USP13: variants seen among roughly 807,000 people sequenced by gnomAD.
USP13 encodes the protein ubiquitin specific peptidase 13, also known as ubiquitin carboxyl-terminal hydrolase 13.
In USP13, 68 loss-of-function variants were observed where a neutral mutation model predicts 107.8. That is an observed-to-expected ratio of 0.63 (90% CI 0.52 to 0.77). The LOEUF is 0.77. Ranked by LOEUF, USP13 falls within the 30% of genes least tolerant of loss-of-function variation. USP13 has a pLI of 0.00. For missense variants in USP13, 945 were observed against 1,093.3 expected, an observed-to-expected ratio of 0.86 and a Z score of 1.91; for synonymous variants, 377 against 389.5, an observed-to-expected ratio of 0.97 and a Z score of 0.38.
intron 19 of USP13, among the ~76,000 whole-genome samples, chr3:179,779,657 C>T (rs755085010): frequency 1.6e-4 from 24 of 147,526 alleles, no homozygotes; most frequent in Non-Finnish European, 3.0e-4. Context: ...GGGTTTTGTA[C>T]GTAGCAGAGC....
In USP13 at chr3:179,721,162, A is replaced by C. The variant is rs1713301952; in HGVS notation, c.901-240A>C. Among the ~76,000 whole-genome samples, 1 of 152,110 alleles carries C rather than the reference A, an allele frequency of 6.6e-6. No individual in the cohort carries two copies. The highest frequency in any genetic ancestry group is 1.5e-5 in the Non-Finnish European group (1 of 68,014). ...TTAAAAATTGTGGTACAATATATAT[A>C]ATATAAAAGCTACCATTTTAACTGT... On this transcript the variant is annotated intron_variant, in intron 7 of 20. Coordinates refer to ENST00000263966, the MANE Select transcript of USP13 (RefSeq NM_003940.3). This position sits in a 1 kb window ranked among gnomAD's most constrained non-coding sequence, Gnocchi z 4.3.
intron 8 of USP13, among the ~76,000 whole-genome samples, chr3:179,729,660 TG>T (rs1385264761): frequency 6.6e-6 from 1 of 151,902 alleles, no homozygotes; most frequent in Admixed American, 6.6e-5. Context: ...TTAGTAGAGA[TG>T]GGGTTTTGCT....
At chr3:179,679,856 G>T (rs1034496425) in intron 1 of USP13, among the ~76,000 whole-genome samples, 34 of 129,992 alleles carry the variant, frequency 2.6e-4, no homozygotes, top group Non-Finnish European at 4.5e-4. Context: ...TAAGCAACTT[G>T]CAGTGGTTAG....
chr3:179,692,814 G>T (rs1420501116), intron 3 of USP13, among the ~76,000 whole-genome samples: 1 of 152,120 alleles, frequency 6.6e-6, no homozygotes, highest in Non-Finnish European at 1.5e-5. Flanking sequence ...TGGTTGTAGA[G>T]GATATTGTCA....
chr3:179,670,063 C>T (rs1174596497), intron 1 of USP13, among the ~76,000 whole-genome samples: 2 of 152,216 alleles, frequency 1.3e-5, no homozygotes, highest in African/African-American at 4.8e-5. Context: ...GCTTCCTACC[C>T]TCAAAGCAGT....
At chr3:179,665,792 G>A (rs1243114680) in intron 1 of USP13, among the ~76,000 whole-genome samples, 1 of 152,102 alleles carries the variant, frequency 6.6e-6, no homozygotes, top group African/African-American at 2.4e-5. Context: ...CTCCATGTTG[G>A]CCAGGGCATT....
intron 1 of USP13, among the ~76,000 whole-genome samples, chr3:179,680,602 A>G (rs1341919858): frequency 6.6e-6 from 1 of 151,990 alleles, no homozygotes; most frequent in Non-Finnish European, 1.5e-5. Context: ...GCTGGAGTGC[A>G]GTGGCACTTA....
chr3:179,767,219 G>A (rs147502047), intron 19 of USP13, among the ~76,000 whole-genome samples: 46 of 152,160 alleles, frequency 3.0e-4, no homozygotes, highest in African/African-American at 1.1e-3. Context: ...ACTCCCATTT[G>A]TGCCATCTTT....
intron 1 of USP13, among the ~76,000 whole-genome samples, chr3:179,660,955 C>T (rs1019858318): frequency 2.6e-5 from 4 of 152,012 alleles, no homozygotes; most frequent in South Asian, 2.1e-4. Flanking sequence ...TTTTGAGAAC[C>T]GCAAAAAGCT....
rs540024455 is a variant in USP13 at position 179,761,367 on chromosome 3, G to A, written c.2092+112G>A. The A allele has an allele frequency of 6.4e-5, 88 of 1,365,056 alleles. No homozygotes were observed. The African/African-American group carries it at 1.1e-3, about 17-fold the overall frequency. 84.6% of individuals were successfully genotyped at this position (1,365,056 alleles called of 1,614,324 possible). On this transcript the variant is annotated intron_variant, in intron 17 of 20. Coordinates refer to ENST00000263966, the MANE Select transcript of USP13 (RefSeq NM_003940.3). The stretch of plus-strand genomic sequence containing the variant: ...TGTATCCCTAGAAAATGACTTTATA[G>A]TTCCTAATCTCCTGCAGTGGAGGAG...
At position 179,654,583 on chromosome 3, in the gene USP13, G is replaced by A. The variant is rs1027108327; in HGVS notation, c.168+1190G>A. On this transcript the variant is annotated intron_variant, in intron 1 of 20. Coordinates refer to ENST00000263966, the MANE Select transcript of USP13 (RefSeq NM_003940.3). ...GTTTATCATGTCTTTTTGAGGACCA[G>A]GTTATTTTTATCCACCCACTTTAGA... Among the ~76,000 whole-genome samples, 8 of 152,284 alleles carry A rather than the reference G, an allele frequency of 5.3e-5. No homozygotes were observed. In the South Asian group the frequency reaches 1.7e-3, roughly 32 times the overall value.
intron 16 of USP13, among the ~76,000 whole-genome samples, chr3:179,760,080 A>G (rs750814185): frequency 7.9e-5 from 12 of 152,206 alleles, no homozygotes; most frequent in Non-Finnish European, 1.5e-4. Flanking sequence ...TCCTCAGGAC[A>G]TGGAAAACCC....
chr3:179,693,988 T>G (rs754300972), intron 3 of USP13, among the ~76,000 whole-genome samples: 3 of 151,266 alleles, frequency 2.0e-5, no homozygotes, highest in Non-Finnish European at 4.4e-5. Context: ...CTATTTATTT[T>G]TGAGACAGCA....
At chr3:179,686,032 A>T (rs1421182446) in intron 2 of USP13, among the ~76,000 whole-genome samples, 1 of 152,136 alleles carries the variant, frequency 6.6e-6, no homozygotes, top group East Asian at 1.9e-4. Context: ...AGACTGCTGG[A>T]AACCCCACAC....
At chr3:179,655,506 T>C (rs975153564) in intron 1 of USP13, among the ~76,000 whole-genome samples, 3 of 151,838 alleles carry the variant, frequency 2.0e-5, no homozygotes, top group African/African-American at 7.3e-5. Context: ...AGGGAAGGTT[T>C]GATAATATTT....
At chr3:179,774,384 C>T (rs577158360) in intron 19 of USP13, among the ~76,000 whole-genome samples, 9 of 152,228 alleles carry the variant, frequency 5.9e-5, no homozygotes, top group East Asian at 1.9e-4. Context: ...ATGGTGTGTC[C>T]GCAGTTTGTT....
chr3:179,781,943 G>A (rs2108558063), intron 20 of USP13, 120 bp downstream of exon 20: 1 of 880,774 alleles, frequency 1.1e-6, no homozygotes, highest in Non-Finnish European at 1.8e-6. Flanking sequence ...GTCTTGTAAA[G>A]GGTATACTGT....
At chr3:179,733,482 C>G (rs2268935) in intron 10 of USP13, among the ~76,000 whole-genome samples, 75,424 of 152,050 alleles carry the variant, frequency 0.5, 19,000 homozygotes, top group East Asian at 0.66. Context: ...TCAGGCATCA[C>G]GATTTTCACT....
At chr3:179,755,561 G>A (rs1356868726) in intron 15 of USP13, among the ~76,000 whole-genome samples, 2 of 152,198 alleles carry the variant, frequency 1.3e-5, no homozygotes, top group Non-Finnish European at 2.9e-5. Context: ...GCCTCCCAAA[G>A]TGTTGGGATT....
Sources: gnomAD v4.1 joint callset for allele counts (sites outside exome capture counted in the v4.1 genomes callset) on GRCh38, gnomAD v4.1.1 for gene constraint, Gnocchi (gnomAD v3.1) non-coding constraint, MANE v1.5 for transcripts, NCBI Gene and HGNC (gene_info 2026-07-23, HGNC 2026-07-21) for gene names.